The following SYNPO2 variants were observed in gnomAD, a reference collection of about 807,000 sequenced individuals.
The protein encoded by SYNPO2 is synaptopodin-2.
A neutral mutation model predicts 85.0 loss-of-function variants in SYNPO2; 56 were observed. The observed-to-expected ratio is 0.66, with a 90% CI of 0.53 to 0.82. SYNPO2 has a LOEUF of 0.82. Ranked by LOEUF, SYNPO2 falls within the 40% of genes least tolerant of loss-of-function variation. The pLI is 0.00. For synonymous variants in SYNPO2, 602 were observed against 591.1 expected (o/e 1.02, Z -0.27); for missense variants, 1,575 against 1,534.2 (o/e 1.03, Z -0.44).
intron 1 of SYNPO2, among the ~76,000 whole-genome samples, chr4:119,009,705 G>A (rs1737217830): frequency 6.6e-6 from 1 of 152,186 alleles, no homozygotes. Context: ...GAAGGCAGGG[G>A]AATAAAAGCA....
chr4:119,042,719 G>T (rs148404969), intron 4 of SYNPO2: 63 of 152,298 alleles, frequency 4.1e-4, no homozygotes, highest in African/African-American at 1.3e-3. Flanking sequence ...TCAACAAAAT[G>T]CAAAATCAGT....
intron 1 of SYNPO2, among the ~76,000 whole-genome samples, chr4:119,012,070 C>G (rs1450806642): frequency 6.6e-6 from 1 of 151,978 alleles, no homozygotes; most frequent in East Asian, 1.9e-4. Context: ...TTACAGGTAC[C>G]TGCCACCACG....
intron 1 of SYNPO2, among the ~76,000 whole-genome samples, chr4:118,852,998 A>C (rs1731445386): frequency 6.6e-6 from 1 of 152,248 alleles, no homozygotes; most frequent in South Asian, 2.1e-4. Flanking sequence ...GAAATTGTCA[A>C]GCTCACAGTG....
chr4:118,866,634 C>G (rs955348530), intron 1 of SYNPO2, among the ~76,000 whole-genome samples: 4 of 152,130 alleles, frequency 2.6e-5, no homozygotes, highest in Non-Finnish European at 4.4e-5. Context: ...TGTTGAATTG[C>G]AAAGTGAGAG....
At position 119,060,085 on chromosome 4, in the gene SYNPO2, C is replaced by G. The variant is rs986867509; in HGVS notation, c.*2151C>G. ...GAAAATACTTGGCTTGCCAGGGCCA[C>G]GTTCTACTTCATTGCTTTCTTTTAT... On this transcript the variant is annotated 3_prime_UTR_variant, in exon 5 of 5. Coordinates refer to ENST00000307142, the MANE Select transcript of SYNPO2 (RefSeq NM_133477.3). The G allele has an allele frequency of 2.0e-5, 3 of 152,102 alleles. No individual in the cohort carries two copies. Among genetic ancestry groups the G allele is most frequent in the Non-Finnish European group, 4.4e-5 (3 of 67,984 alleles). The allele number at this position is 152,102 out of a possible 1,614,324, so 9.4% of individuals were successfully genotyped here. A position where few individuals can be genotyped will look rare whatever the true frequency, so the allele number is the denominator to read the frequency against.
chr4:118,886,136 T>A (rs1221409224), upstream of SYNPO2, among the ~76,000 whole-genome samples: 1 of 152,146 alleles, frequency 6.6e-6, no homozygotes, highest in African/African-American at 2.4e-5. Flanking sequence ...GAGGACACCA[T>A]CACTAATTTG....
At chr4:118,936,470 T>C (rs1734106406) in intron 1 of SYNPO2, among the ~76,000 whole-genome samples, 1 of 152,164 alleles carries the variant, frequency 6.6e-6, no homozygotes, top group Non-Finnish European at 1.5e-5. Flanking sequence ...TTATTTTCTC[T>C]TATAAAAATG....
At chr4:119,041,649 T>C (rs1738719146) in intron 4 of SYNPO2, among the ~76,000 whole-genome samples, 1 of 152,256 alleles carries the variant, frequency 6.6e-6, no homozygotes, top group Non-Finnish European at 1.5e-5. Context: ...GTGGTATTAC[T>C]GAAATAAACA....
chr4:118,888,441 T>A (rs1732247774), upstream of SYNPO2, among the ~76,000 whole-genome samples: 1 of 152,234 alleles, frequency 6.6e-6, no homozygotes, highest in South Asian at 2.1e-4. Flanking sequence ...TAACTCATTT[T>A]AACTCTTTTT....
intron 3 of SYNPO2, among the ~76,000 whole-genome samples, chr4:119,028,064 G>A (rs1738047785): frequency 6.6e-6 from 1 of 152,144 alleles, no homozygotes; most frequent in Non-Finnish European, 1.5e-5. Context: ...CCATGTGGAG[G>A]CATTTAAATG....
intron 4 of SYNPO2, chr4:119,032,350 A>C: frequency 8.0e-7 from 1 of 1,251,328 alleles, no homozygotes; most frequent in Non-Finnish European, 1.0e-6. Flanking sequence ...TAGCCACAAG[A>C]AAGACAGTGA....
intron 1 of SYNPO2, among the ~76,000 whole-genome samples, chr4:119,004,035 A>G (rs1228670617): frequency 6.6e-6 from 1 of 152,132 alleles, no homozygotes; most frequent in Non-Finnish European, 1.5e-5. Flanking sequence ...TGGCATTGAG[A>G]GGGTCTACTG....
rs1480930178 is a variant in SYNPO2 at position 119,030,547 on chromosome 4, C to T, written c.1772C>T (p.Pro591Leu). The T allele has an allele frequency of 1.9e-6, 3 of 1,614,146 alleles. No individual in the cohort carries two copies. Among genetic ancestry groups the T allele is most frequent in the Admixed American group, 3.3e-5 (2 of 60,014 alleles). The change falls in exon 4 of 5, where the codon CCC becomes CTC. Residue 591 changes from proline (P) to leucine (L), a missense_variant. Transcript: ENST00000307142. ...RMVPMNRTAK[P>L]FPGSVNQPAT... ...GTCCCCATGAATAGAACGGCCAAAC[C>T]CTTCCCAGGGTCTGTGAATCAGCCA... is the stretch of plus-strand genomic sequence containing the variant.
At chr4:118,938,610 C>T (rs1404322291) in intron 1 of SYNPO2, among the ~76,000 whole-genome samples, 1 of 152,180 alleles carries the variant, frequency 6.6e-6, no homozygotes, top group Non-Finnish European at 1.5e-5. Flanking sequence ...ATTGTTTTCA[C>T]TGGTAGCTTC....
At chr4:118,880,012 T>C (rs1732050585) in intron 1 of SYNPO2, among the ~76,000 whole-genome samples, 1 of 152,206 alleles carries the variant, frequency 6.6e-6, no homozygotes, top group African/African-American at 2.4e-5. Context: ...GTGCTCCCCT[T>C]TCTTTCCTCT....
At chr4:118,854,605 C>G (rs932268418) in intron 1 of SYNPO2, among the ~76,000 whole-genome samples, 6 of 152,090 alleles carry the variant, frequency 3.9e-5, no homozygotes, top group Non-Finnish European at 7.4e-5. Context: ...TTATTTGCTT[C>G]TGCAGCAATA....
chr4:118,878,329 T>G (rs1311685268), intron 1 of SYNPO2, among the ~76,000 whole-genome samples: 2 of 151,744 alleles, frequency 1.3e-5, no homozygotes, highest in Non-Finnish European at 2.9e-5. Flanking sequence ...AAAACAAACT[T>G]GCACATGTAC....
In SYNPO2 at chr4:119,032,042, T is replaced by G; in HGVS notation, c.3252+15T>G. 17 of 1,613,244 alleles carry G rather than the reference T, an allele frequency of 1.1e-5. No individual in the cohort carries two copies. The highest frequency in any genetic ancestry group is 1.4e-5 in the Non-Finnish European group (17 of 1,179,544). On this transcript the variant is annotated intron_variant, in intron 4 of 4. Transcript: ENST00000307142. Reference sequence around the variant, plus strand: ...TCACAATTCAGGTGTGGAAACCATCTGTTGTGGAAGAGTAATCTTGTAGCT... The same window carrying G: ...TCACAATTCAGGTGTGGAAACCATCGGTTGTGGAAGAGTAATCTTGTAGCT...
At chr4:119,002,016 C>T (rs1196594012) in intron 1 of SYNPO2, among the ~76,000 whole-genome samples, 1 of 152,144 alleles carries the variant, frequency 6.6e-6, no homozygotes, top group African/African-American at 2.4e-5. Flanking sequence ...CTAGTGCCCC[C>T]CATCCTCCCA....
Sources: allele counts gnomAD v4.1 joint callset (sites outside exome capture counted in the v4.1 genomes callset), GRCh38; gene constraint gnomAD v4.1.1; transcripts MANE v1.5; gene names NCBI Gene and HGNC (gene_info 2026-07-23, HGNC 2026-07-21).